Variants in TUBA1C observed in about 807,000 individuals in gnomAD.
TUBA1C encodes tubulin alpha-1C chain.
Under a neutral mutation model 34.9 loss-of-function variants are expected in TUBA1C, and 16 were observed. The ratio of observed to expected loss-of-function variants is 0.46; its 90% CI spans 0.31 to 0.70. The LOEUF (loss-of-function observed/expected upper bound fraction) is 0.70, where lower values mean the gene tolerates loss of function less well. Among genes scored for constraint, TUBA1C ranks in the 30% least tolerant of loss-of-function variants. The pLI, the probability that TUBA1C is intolerant of heterozygous loss-of-function variation, is 0.05. For missense variants in TUBA1C, 329 were observed against 587.3 expected, an observed-to-expected ratio of 0.56 and a Z score of 4.55; for synonymous variants, 177 against 215.9, an observed-to-expected ratio of 0.82 and a Z score of 1.58.
intron 1 of TUBA1C, among the ~76,000 whole-genome samples, chr12:49,266,561 ATCTT>A (rs1281577889): frequency 6.6e-6 from 1 of 152,194 alleles, no homozygotes; most frequent in Admixed American, 6.5e-5. Flanking sequence ...GAAAACAACT[ATCTT>A]AGGCCGGGCG....
chr12:49,272,192 C>T, intron 3 of TUBA1C, 61 bp from the exon 4 acceptor site: 1 of 1,543,342 alleles, frequency 6.5e-7, no homozygotes, highest in East Asian at 2.2e-5. Context: ...GTAGGTTTCA[C>T]CAAATGTGAA....
At chr12:49,244,453 G>A (rs1452317407) in intron 1 of TUBA1C, among the ~76,000 whole-genome samples, 2 of 151,996 alleles carry the variant, frequency 1.3e-5, no homozygotes, top group Non-Finnish European at 2.9e-5. Context: ...AGATATCTAC[G>A]GTATCTTCAA....
At chr12:49,254,704 G>A (rs989584984) in intron 1 of TUBA1C, among the ~76,000 whole-genome samples, 5 of 152,026 alleles carry the variant, frequency 3.3e-5, no homozygotes, top group African/African-American at 1.2e-4. Flanking sequence ...CATCACGTAG[G>A]CATGATCAGT....
chr12:49,265,834 C>T (rs1942900247), intron 1 of TUBA1C, among the ~76,000 whole-genome samples: 1 of 152,154 alleles, frequency 6.6e-6, no homozygotes, highest in Non-Finnish European at 1.5e-5. Flanking sequence ...GGTTTAAAAA[C>T]ACGTCCACAA....
chr12:49,239,939 G>A (rs1236583637), intron 1 of TUBA1C, among the ~76,000 whole-genome samples: 1 of 151,946 alleles, frequency 6.6e-6, no homozygotes, highest in African/African-American at 2.4e-5. Flanking sequence ...TTCCACTTGT[G>A]TGGCACAAGT....
chr12:49,239,468 C>T (rs1376595891), intron 1 of TUBA1C, among the ~76,000 whole-genome samples: 2 of 151,912 alleles, frequency 1.3e-5, no homozygotes, highest in Non-Finnish European at 2.9e-5. Flanking sequence ...TGGTGAAACC[C>T]CATCTCTACT....
At chr12:49,256,359 T>C (rs1942784482) in intron 1 of TUBA1C, 1 of 438,128 alleles carries the variant, frequency 2.3e-6, no homozygotes, top group Admixed American at 2.5e-5. Context: ...GTTTCTTTGT[T>C]TTGAACAAAA....
chr12:49,244,499 G>T (rs12296231), intron 1 of TUBA1C, among the ~76,000 whole-genome samples: 2,515 of 152,152 alleles, frequency 0.017, 71 homozygotes, highest in African/African-American at 0.057. Context: ...GAAGTTAAGG[G>T]AAGTAATTTG....
chr12:49,267,203 T>C (rs371526432), intron 1 of TUBA1C, among the ~76,000 whole-genome samples: 271 of 152,146 alleles, frequency 1.8e-3, no homozygotes, highest in African/African-American at 6.2e-3. Context: ...GAAAGAAAAA[T>C]TGCGGGCGCA....
intron 3 of TUBA1C, 76 bp downstream of exon 3, chr12:49,270,052 TTTGCAACTAAAATGAGACTATTTGCA>T (rs768246998): frequency 7.6e-5 from 123 of 1,613,682 alleles, no homozygotes; most frequent in Middle Eastern, 3.3e-4. Flanking sequence ...GAAATCATTC[TTTGCAACTAAAATGAGACTATTTGCA>T]TTGCAACTAA....
chr12:49,234,738 G>T (rs1229186375), intron 1 of TUBA1C, among the ~76,000 whole-genome samples: 4 of 152,266 alleles, frequency 2.6e-5, no homozygotes, highest in African/African-American at 9.6e-5. Flanking sequence ...CGCTGTCCGC[G>T]AAAGTTTCTG....
At chr12:49,269,407 T>G in intron 1 of TUBA1C, 58 bp from the exon 2 acceptor site, 1 of 1,609,112 alleles carries the variant, frequency 6.2e-7, no homozygotes. Context: ...TGTGAATCAT[T>G]CCTAAATGTC....
chr12:49,237,535 G>A (rs1312702706), intron 1 of TUBA1C, among the ~76,000 whole-genome samples: 8 of 151,964 alleles, frequency 5.3e-5, no homozygotes, highest in Admixed American at 3.9e-4. Flanking sequence ...TTGAGCCCAG[G>A]AGTTCAAGAC....
intron 1 of TUBA1C, among the ~76,000 whole-genome samples, chr12:49,231,717 C>CAGACAGAT (rs1411016546): frequency 1.3e-5 from 2 of 151,156 alleles, no homozygotes; most frequent in South Asian, 2.1e-4. Flanking sequence ...GACAGACAGA[C>CAGACAGAT]AGATAGATAG....
chr12:49,265,328 C>T (rs1336964501), intron 1 of TUBA1C, 144 bp downstream of exon 1: 5 of 560,244 alleles, frequency 8.9e-6, no homozygotes, highest in Middle Eastern at 3.2e-4. Flanking sequence ...TTGTGGCGGC[C>T]GGGCTGGAAG....
chr12:49,253,497 C>G (rs1400633211), intron 1 of TUBA1C, among the ~76,000 whole-genome samples: 1 of 150,902 alleles, frequency 6.6e-6, no homozygotes, highest in African/African-American at 2.4e-5. Context: ...CGGTGGGATG[C>G]TTAAAATTGA....
chr12:49,240,850 C>G (rs1389929103), intron 1 of TUBA1C, among the ~76,000 whole-genome samples: 1 of 152,150 alleles, frequency 6.6e-6, no homozygotes, highest in Non-Finnish European at 1.5e-5. Context: ...CCCACCTCAG[C>G]CTCACAAAGT....
At chr12:49,238,202 GAATAGGA>G (rs1243520905) in intron 1 of TUBA1C, among the ~76,000 whole-genome samples, 1 of 151,998 alleles carries the variant, frequency 6.6e-6, no homozygotes, top group Non-Finnish European at 1.5e-5. Flanking sequence ...ACTGTGACTA[GAATAGGA>G]AATACTGATG....
intron 1 of TUBA1C, chr12:49,234,016 C>T (rs1415865319): frequency 6.6e-6 from 1 of 152,252 alleles, no homozygotes; most frequent in East Asian, 1.9e-4. Context: ...TACCACAAGG[C>T]TCTCCCACTG....
Sources: gnomAD v4.1 joint callset for allele counts (sites outside exome capture counted in the v4.1 genomes callset) on GRCh38, gnomAD v4.1.1 for gene constraint, MANE v1.5 for transcripts, NCBI Gene and HGNC (gene_info 2026-07-23, HGNC 2026-07-21) for gene names.